Variants in DERA observed in about 807,000 individuals in gnomAD.
DERA encodes 2-deoxy-D-ribose 5-phosphate aldolase.
A neutral mutation model predicts 41.1 loss-of-function variants in DERA; 15 were observed. That is an observed-to-expected ratio of 0.37 (90% confidence interval 0.24 to 0.56). The LOEUF (loss-of-function observed/expected upper bound fraction) is 0.56, where lower values mean the gene tolerates loss of function less well. DERA is among the 20% of genes least tolerant of loss of function. DERA has a pLI of 0.81. For synonymous variants in DERA, 139 were observed against 137.4 expected (o/e 1.01, Z -0.08); for missense variants, 396 against 403.4 (o/e 0.98, Z 0.16).
At chr12:16,016,606 C>A (rs1373389148) in intron 6 of DERA, among the ~76,000 whole-genome samples, 1 of 151,638 alleles carries the variant, frequency 6.6e-6, no homozygotes, top group Non-Finnish European at 1.5e-5. Context: ...TCGAGACCAG[C>A]CCAGACAACA....
intron 1 of DERA, among the ~76,000 whole-genome samples, chr12:15,916,771 T>G (rs967449799): frequency 1.3e-5 from 2 of 152,114 alleles, no homozygotes; most frequent in African/African-American, 2.4e-5. Flanking sequence ...TCTTGATGTA[T>G]TCTTTTAAAA....
Position 16,032,672 on chromosome 12 carries a change from A to C in DERA, c.750+18A>C, listed in dbSNP as rs1341124576. 2.1e-6 allele frequency: 3 copies of C among 1,413,616 alleles called. No homozygotes were observed. The African/African-American group carries it at 4.3e-5, about 20-fold the overall frequency. The allele number at this position is 1,413,616 out of a possible 1,614,324, so 87.6% of individuals were successfully genotyped here. ...GAAACAAGGTATATTATTGCCAGCA[A>C]ATCTTTCTTCAGAGTAAAGATAATG... On this transcript the variant is annotated intron_variant, in intron 7 of 8. Transcript: ENST00000428559.
In DERA at chr12:15,954,409, G is replaced by A. The variant is rs1478329920; in HGVS notation, c.32-2527G>A. Among the ~76,000 whole-genome samples, 4 of 152,202 alleles carry A rather than the reference G, an allele frequency of 2.6e-5. No individual in the cohort carries two copies. The highest frequency in any genetic ancestry group is 7.2e-5 in the African/African-American group (3 of 41,454). On this transcript the variant is annotated intron_variant, in intron 1 of 8. Transcript: ENST00000428559. This position sits in a 1 kb window ranked among gnomAD's most constrained non-coding sequence, Gnocchi z 4.0. Reference sequence around the variant, plus strand: ...AGGTGGAATGCAGAGTTTCATGGAAGCACGAAGAAGCAAAGGGATGTCTCA... The same window carrying A: ...AGGTGGAATGCAGAGTTTCATGGAAACACGAAGAAGCAAAGGGATGTCTCA...
chr12:15,923,123 C>G (rs201400736), intron 1 of DERA, among the ~76,000 whole-genome samples: 1 of 146,172 alleles, frequency 6.8e-6, no homozygotes, highest in Non-Finnish European at 1.5e-5. Context: ...CCCGGGTTCA[C>G]GCCATTCTCC....
At chr12:16,027,961 A>G (rs1836574252) in intron 6 of DERA, among the ~76,000 whole-genome samples, 1 of 152,214 alleles carries the variant, frequency 6.6e-6, no homozygotes, top group Admixed American at 6.5e-5. Context: ...TTAGAAAACT[A>G]TTTGCAAAAG....
intron 1 of DERA, among the ~76,000 whole-genome samples, chr12:15,945,332 T>A (rs1161482080): frequency 6.6e-6 from 1 of 152,220 alleles, no homozygotes; most frequent in African/African-American, 2.4e-5. Context: ...GTATGGCCAT[T>A]TTCACGATAT....
chr12:15,937,748 TTTTAAG>T (rs749358029), intron 1 of DERA, among the ~76,000 whole-genome samples: 1 of 152,248 alleles, frequency 6.6e-6, no homozygotes, highest in Non-Finnish European at 1.5e-5. Context: ...GTCCCTTTCT[TTTTAAG>T]TTTGTTTATC....
Position 15,936,212 on chromosome 12 carries a change from T to C in DERA, c.32-20724T>C, listed in dbSNP as rs781427231. On this transcript the variant is annotated intron_variant, in intron 1 of 8. Coordinates refer to ENST00000428559, the MANE Select transcript of DERA (RefSeq NM_015954.4). This position sits in a 1 kb window ranked among gnomAD's most constrained non-coding sequence, Gnocchi z 4.6. ...CATGAATACTAGGAGGAGAGAATCA[T>C]TGTGGGTCATTTTTGAGGCTAGCTA... Among the ~76,000 whole-genome samples, 38 of 152,352 alleles carry C rather than the reference T, an allele frequency of 2.5e-4. No homozygotes were observed. The highest frequency in any genetic ancestry group is 1.5e-5 in the Non-Finnish European group (1 of 68,030).
At position 15,999,392 on chromosome 12, in the gene DERA, T is replaced by G. The variant is rs1303777120; in HGVS notation, c.637+16956T>G. On this transcript the variant is annotated intron_variant, in intron 6 of 8. Transcript: ENST00000428559. This position sits in a 1 kb window ranked among gnomAD's most constrained non-coding sequence, Gnocchi z 5.3. ...AAGAAGTGAAAAATAGGGTTTATGA[T>G]TTGTCATTTTGGGAAAGCAGGTGAT... Among the ~76,000 whole-genome samples the G allele has an allele frequency of 6.6e-6, 1 of 152,180 alleles. No individual in the cohort carries two copies. Among genetic ancestry groups the G allele is most frequent in the Non-Finnish European group, 1.5e-5 (1 of 68,018 alleles).
At position 15,982,986 on chromosome 12, in the gene DERA, T is replaced by G. The variant is rs1373878879; in HGVS notation, c.637+550T>G. Among the ~76,000 whole-genome samples the G allele has an allele frequency of 6.6e-6, 1 of 152,238 alleles. No individual in the cohort carries two copies. Among genetic ancestry groups the G allele is most frequent in the Non-Finnish European group, 1.5e-5 (1 of 68,038 alleles). On this transcript the variant is annotated intron_variant, in intron 6 of 8. Coordinates refer to ENST00000428559, the MANE Select transcript of DERA (RefSeq NM_015954.4). The surrounding 1 kb of genome is among the most constrained non-coding windows in gnomAD (Gnocchi z 4.0). Reference sequence around the variant, plus strand: ...GCAGCCTAGGAGTCATGCTTGGTTCTTTCTTTTTCTCACCTCACATAAATC... The same window carrying G: ...GCAGCCTAGGAGTCATGCTTGGTTCGTTCTTTTTCTCACCTCACATAAATC...
rs574350674 is a variant in DERA, at chr12:16,028,461, A to C, written c.638-4081A>C. Among the ~76,000 whole-genome samples the C allele has an allele frequency of 8.5e-5, 13 of 152,378 alleles. 3 individuals are homozygous for C. The highest frequency in any genetic ancestry group is 3.1e-4 in the African/African-American group (13 of 41,596). ...GAGGACACAAACCTTCCCATATAAAATTCCAAGTAATTATGTAGCCAAGCC... is the reference window on the plus strand; with the variant it reads ...GAGGACACAAACCTTCCCATATAAACTTCCAAGTAATTATGTAGCCAAGCC... On this transcript the variant is annotated intron_variant, in intron 6 of 8. Coordinates refer to ENST00000428559, the MANE Select transcript of DERA (RefSeq NM_015954.4).
At position 15,984,024 on chromosome 12, in the gene DERA, C is replaced by A. The variant is rs898833727; in HGVS notation, c.637+1588C>A. Among the ~76,000 whole-genome samples the A allele has an allele frequency of 2.0e-5, 3 of 152,152 alleles. No homozygotes were observed. Among genetic ancestry groups the A allele is most frequent in the Non-Finnish European group, 4.4e-5 (3 of 68,012 alleles). ...GCTACTTGGTGTACAGGTAGCCCCC[C>A]TTTATGCTGCTTGCCAGCACAAGTG... On this transcript the variant is annotated intron_variant, in intron 6 of 8. Transcript: ENST00000428559. The surrounding 1 kb of genome is among the most constrained non-coding windows in gnomAD (Gnocchi z 4.5).
intron 1 of DERA, among the ~76,000 whole-genome samples, chr12:15,930,251 A>T (rs537655632): frequency 1.3e-5 from 2 of 152,292 alleles, no homozygotes; most frequent in African/African-American, 4.8e-5. Context: ...AGGGAAAAAA[A>T]TTCAAAGAGT....
intron 6 of DERA, among the ~76,000 whole-genome samples, chr12:16,024,100 G>A (rs777256815): frequency 1.1e-4 from 17 of 152,156 alleles, no homozygotes; most frequent in Non-Finnish European, 2.4e-4. Flanking sequence ...AAACTGAAAT[G>A]TGAAGAGAAA....
At position 16,032,541 on chromosome 12, in the gene DERA, G is replaced by C; in HGVS notation, c.638-1G>C. On this transcript the variant is annotated splice_acceptor_variant, in intron 6 of 8. Transcript: ENST00000428559. LOFTEE classifies it high-confidence loss of function. The stretch of plus-strand genomic sequence containing the variant: ...TGGAGTTTTTCCTCTTTTTGTTTTA[G>C]GATCAGATTTTATTAAGACCTCTAC... The C allele has an allele frequency of 1.4e-6, 2 of 1,451,800 alleles. No homozygotes were observed. Among genetic ancestry groups the C allele is most frequent in the Non-Finnish European group, 1.8e-6 (2 of 1,093,318 alleles). The allele number at this position is 1,451,800 out of a possible 1,614,324, so 89.9% of individuals were successfully genotyped here.
At position 15,965,989 on chromosome 12, in the gene DERA, A is replaced by G. The variant is rs77266502; in HGVS notation, c.508+3042A>G. On this transcript the variant is annotated intron_variant, in intron 5 of 8. Coordinates refer to ENST00000428559, the MANE Select transcript of DERA (RefSeq NM_015954.4). This position sits in a 1 kb window ranked among gnomAD's most constrained non-coding sequence, Gnocchi z 4.1. The stretch of plus-strand genomic sequence containing the variant: ...CCCATTAAGCATTTAGACATACTCA[A>G]GCTTTTCTTAGCCATTTATGAAAGA... Among the ~76,000 whole-genome samples, 2,744 of 152,178 alleles carry G rather than the reference A, an allele frequency of 0.018. 88 individuals are homozygous for G. Among genetic ancestry groups the G allele is most frequent in the African/African-American group, 0.063 (2,625 of 41,508 alleles).
At chr12:15,956,280 T>C (rs1442210412) in intron 1 of DERA, among the ~76,000 whole-genome samples, 1 of 152,084 alleles carries the variant, frequency 6.6e-6, no homozygotes, top group Admixed American at 6.5e-5. Context: ...GAAGAGAGAG[T>C]AGATCAAGGT....
In DERA at chr12:15,911,705, A is replaced by T. The variant is rs1446592533; in HGVS notation, c.31+291A>T. On this transcript the variant is annotated intron_variant, in intron 1 of 8. Coordinates refer to ENST00000428559, the MANE Select transcript of DERA (RefSeq NM_015954.4). The surrounding 1 kb of genome is among the most constrained non-coding windows in gnomAD (Gnocchi z 4.5). ...GTTCACTCTAGCTCGCTGGTTGGAA[A>T]ACCCAACAACCCAAAAAACAAAACC... is the stretch of plus-strand genomic sequence containing the variant. 2 of 656,592 alleles carry T rather than the reference A, an allele frequency of 3.0e-6. No homozygotes were observed. The highest frequency in any genetic ancestry group is 2.8e-6 in the Non-Finnish European group (1 of 356,186). 40.7% of individuals were successfully genotyped at this position (656,592 alleles called of 1,614,324 possible). A position where few individuals can be genotyped will look rare whatever the true frequency, so the allele number is the denominator to read the frequency against.
At chr12:16,030,844 T>C (rs1949087933) in intron 6 of DERA, among the ~76,000 whole-genome samples, 1 of 152,188 alleles carries the variant, frequency 6.6e-6, no homozygotes, top group Non-Finnish European at 1.5e-5. Context: ...ATGGTAGTAC[T>C]CAGTAAATAT....
Sources: allele counts gnomAD v4.1 joint callset (sites outside exome capture counted in the v4.1 genomes callset), GRCh38; gene constraint gnomAD v4.1.1; non-coding constraint Gnocchi (gnomAD v3.1); transcripts MANE v1.5; gene names NCBI Gene and HGNC (gene_info 2026-07-23, HGNC 2026-07-21).